SLC41A3: variants seen among roughly 807,000 people sequenced by gnomAD.
The protein encoded by SLC41A3 is SLC41A1-like 2.
In SLC41A3, 44 loss-of-function variants were observed where a neutral mutation model predicts 45.4. The ratio of observed to expected loss-of-function variants is 0.97; its 90% confidence interval spans 0.76 to 1.25. The LOEUF (loss-of-function observed/expected upper bound fraction) is 1.25. Among genes scored for constraint, SLC41A3 ranks in the 50% most tolerant of loss-of-function variants. SLC41A3 has a pLI of 0.00. For synonymous variants in SLC41A3, 256 were observed against 252.4 expected (o/e 1.01, Z -0.13); for missense variants, 550 against 600.6 (o/e 0.92, Z 0.88).
intron 6 of SLC41A3, among the ~76,000 whole-genome samples, chr3:126,019,517 C>T (rs1376971225): frequency 1.3e-5 from 2 of 152,152 alleles, no homozygotes; most frequent in East Asian, 1.9e-4. Context: ...CTCAAAAGCC[C>T]GAAGTCCAGA....
intron 6 of SLC41A3, among the ~76,000 whole-genome samples, chr3:126,021,173 CG>C (rs1559818640): frequency 6.6e-6 from 1 of 152,152 alleles, no homozygotes; most frequent in Admixed American, 6.5e-5. Flanking sequence ...GGATTACAGG[CG>C]TGAGCCACCG....
intron 8 of SLC41A3, among the ~76,000 whole-genome samples, chr3:126,014,216 A>G (rs889207123): frequency 3.9e-5 from 6 of 152,166 alleles, no homozygotes; most frequent in Admixed American, 2.6e-4. Flanking sequence ...GTCTTCAGGC[A>G]GAGGACTGCT....
intron 1 of SLC41A3, among the ~76,000 whole-genome samples, chr3:126,081,010 G>C (rs1302178299): frequency 6.6e-6 from 1 of 151,926 alleles, no homozygotes; most frequent in Non-Finnish European, 1.5e-5. Flanking sequence ...CCCACTAATG[G>C]GTACATATCC....
At chr3:126,042,726 G>A (rs989429797) in intron 3 of SLC41A3, among the ~76,000 whole-genome samples, 7 of 151,992 alleles carry the variant, frequency 4.6e-5, no homozygotes, top group Non-Finnish European at 8.8e-5. Flanking sequence ...GAACCAAACA[G>A]AAATACTGGA....
chr3:126,075,231 C>A (rs1010747404), intron 1 of SLC41A3, among the ~76,000 whole-genome samples: 1 of 152,194 alleles, frequency 6.6e-6, no homozygotes, highest in Non-Finnish European at 1.5e-5. Context: ...CAGCTGTGAG[C>A]CACTGTATCC....
intron 7 of SLC41A3, among the ~76,000 whole-genome samples, 151 bp downstream of exon 7, chr3:126,016,566 GAAAGGAAAAAAGGT>G (rs565229905): frequency 6.1e-4 from 93 of 152,104 alleles, no homozygotes; most frequent in Non-Finnish European, 1.2e-3. Context: ...AGGGAGAGAA[GAAAGGAAAAAAGGT>G]ATGATTCAAT....
intron 2 of SLC41A3, among the ~76,000 whole-genome samples, chr3:126,065,736 G>C (rs1032659142): frequency 2.0e-5 from 3 of 151,886 alleles, no homozygotes; most frequent in Non-Finnish European, 4.4e-5. Context: ...ATAGCAAAAA[G>C]CCACCAAAAG....
rs1941974515 is a variant in SLC41A3, at chr3:126,033,688, A to G, written c.382-10T>C. ...TTTGTCCAGTGTTGGCCTAGAATGA[A>G]GAGAAAAGGACAAAGGTAGGACTGG... On this transcript the variant is annotated splice_polypyrimidine_tract_variant and intron_variant, in intron 3 of 10. Transcript: ENST00000360370. 6.2e-7 allele frequency: 1 copy of G among 1,611,622 alleles called. No homozygotes were observed. The highest frequency in any genetic ancestry group is 1.7e-5 in the Admixed American group (1 of 59,736).
chr3:126,097,645 C>T lies in SLC41A3; in HGVS notation c.-79+3784G>A, dbSNP rs141304323. On this transcript the variant is annotated intron_variant, in intron 1 of 9. Coordinates refer to the SLC41A3 transcript ENST00000508835. Reference sequence around the variant, plus strand: ...GGGCTCTATAAATTTTGAGCTGGGCCTGTCTGGTTTTCATAGAGTTATGGG... The same window carrying T: ...GGGCTCTATAAATTTTGAGCTGGGCTTGTCTGGTTTTCATAGAGTTATGGG... 4.1e-3 allele frequency among the ~76,000 whole-genome samples: 626 copies of T among 152,294 alleles called. 5 individuals carry two copies. The highest frequency in any genetic ancestry group is 0.015 in the African/African-American group (606 of 41,552).
intron 2 of SLC41A3, 148 bp downstream of exon 2, chr3:126,067,799 A>C: frequency 3.1e-6 from 3 of 972,304 alleles, no homozygotes; most frequent in Non-Finnish European, 3.0e-6. Context: ...AGAGACTAAA[A>C]GAATCTTGCC....
At chr3:126,098,779 T>C (rs1435917080) in intron 1 of SLC41A3, among the ~76,000 whole-genome samples, 1 of 152,242 alleles carries the variant, frequency 6.6e-6, no homozygotes, top group Non-Finnish European at 1.5e-5. Context: ...GATTCCAGGT[T>C]GGTGCCAGCA....
chr3:126,082,234 T>C (rs1043541178), intron 1 of SLC41A3, among the ~76,000 whole-genome samples: 4 of 152,052 alleles, frequency 2.6e-5, no homozygotes, highest in African/African-American at 9.7e-5. Context: ...GAGGCTCCTG[T>C]GGGAAAGTGG....
chr3:126,080,579 A>G (rs1945100256), intron 1 of SLC41A3, among the ~76,000 whole-genome samples: 1 of 152,232 alleles, frequency 6.6e-6, no homozygotes. Context: ...GGATGTGGAG[A>G]AAGTGTTCCT....
At chr3:126,043,967 C>T (rs919181225) in intron 3 of SLC41A3, among the ~76,000 whole-genome samples, 3 of 151,954 alleles carry the variant, frequency 2.0e-5, no homozygotes, top group African/African-American at 7.2e-5. Flanking sequence ...TGGGTTAAAT[C>T]CCTCAATCAA....
In SLC41A3 at chr3:126,026,158, TG is replaced by T; in HGVS notation, c.598+176del. ...CCCCTGCCTGGGTGAGGGCACAAGG[TG>T]GGCCATGAAGACCCAGCTGGCTCGT... On this transcript the variant is annotated intron_variant, in intron 5 of 10. Coordinates refer to ENST00000360370, the MANE Select transcript of SLC41A3 (RefSeq NM_017836.4). The surrounding 1 kb of genome is among the most constrained non-coding windows in gnomAD (Gnocchi z 4.2). 2.2e-6 allele frequency: 2 copies of T among 897,400 alleles called. No individual in the cohort carries two copies. The highest frequency in any genetic ancestry group is 3.3e-6 in the Non-Finnish European group (2 of 598,348). The allele number at this position is 897,400 out of a possible 1,614,324, so 55.6% of individuals were successfully genotyped here.
At chr3:126,046,380 C>CACAT (rs1491173496) in intron 3 of SLC41A3, among the ~76,000 whole-genome samples, 3 of 147,926 alleles carry the variant, frequency 2.0e-5, no homozygotes, top group African/African-American at 2.5e-5. Flanking sequence ...CACACACACA[C>CACAT]AAATTTTTAT....
intron 1 of SLC41A3, chr3:126,095,136 G>A (rs564570861): frequency 1.2e-5 from 7 of 595,984 alleles, no homozygotes; most frequent in East Asian, 3.0e-5. Flanking sequence ...CAAAAAATTG[G>A]GAAATAGGTA....
intron 1 of SLC41A3, chr3:126,095,349 T>C: frequency 1.8e-6 from 1 of 558,094 alleles, no homozygotes; most frequent in Non-Finnish European, 3.1e-6. Context: ...GCAACACCTG[T>C]TGAACACAAC....
chr3:126,020,479 T>C (rs1477918135), intron 6 of SLC41A3, among the ~76,000 whole-genome samples: 1 of 152,188 alleles, frequency 6.6e-6, no homozygotes, highest in Non-Finnish European at 1.5e-5. Flanking sequence ...ATGGCCAGGC[T>C]AAAAATTTTC....
Sources: gnomAD v4.1 joint callset for allele counts (sites outside exome capture counted in the v4.1 genomes callset) on GRCh38, gnomAD v4.1.1 for gene constraint, Gnocchi (gnomAD v3.1) non-coding constraint, MANE v1.5 for transcripts, NCBI Gene and HGNC (gene_info 2026-07-23, HGNC 2026-07-21) for gene names.